Variants in MBTD1 observed in about 807,000 individuals in gnomAD.
The protein encoded by MBTD1 is mbt domain containing 1.
MBTD1 carries 24 observed loss-of-function variants against 87.8 expected under a neutral mutation model. The observed-to-expected ratio is 0.27, with a 90% CI of 0.20 to 0.38. The LOEUF (loss-of-function observed/expected upper bound fraction) is 0.38. Ranked by LOEUF, MBTD1 falls within the 10% of genes least tolerant of loss-of-function variation. The pLI is 1.00. For synonymous variants in MBTD1, 237 were observed against 248.6 expected, an observed-to-expected ratio of 0.95 and a Z score of 0.44; for missense variants, 436 against 760.2, an observed-to-expected ratio of 0.57 and a Z score of 5.02.
Position 51,246,894 on chromosome 17 carries a change from C to T in MBTD1, c.-49+12249G>A, listed in dbSNP as rs368088279. Among the ~76,000 whole-genome samples the T allele has an allele frequency of 6.9e-4, 105 of 152,260 alleles. 3 individuals are homozygous for T. In the South Asian group the frequency reaches 0.021, roughly 30 times the overall value. ...ACCTCAGGTGATCCGCCCGCCTCAG[C>T]CTCCCAAAGTGCTGGGATTACAGGT... On this transcript the variant is annotated intron_variant, in intron 2 of 16. Transcript: ENST00000586178.
chr17:51,243,444 T>G (rs929741902), intron 2 of MBTD1, among the ~76,000 whole-genome samples: 1 of 152,210 alleles, frequency 6.6e-6, no homozygotes, highest in Non-Finnish European at 1.5e-5. Flanking sequence ...ATAGATTTTC[T>G]GAATAATTTG....
chr17:51,259,113 AG>A, intron 2 of MBTD1, 29 bp downstream of exon 2: 1 of 441,350 alleles, frequency 2.3e-6, no homozygotes, highest in Non-Finnish European at 3.8e-6. Context: ...CAGTGCTTTT[AG>A]GGGTGTAAGC....
chr17:51,238,961 G>GC (rs2054006931), intron 2 of MBTD1, among the ~76,000 whole-genome samples: 1 of 152,088 alleles, frequency 6.6e-6, no homozygotes, highest in African/African-American at 2.4e-5. Context: ...TTAACTGGGT[G>GC]TGGTAATGTG....
intron 7 of MBTD1, among the ~76,000 whole-genome samples, chr17:51,206,683 C>T (rs779760222): frequency 6.6e-6 from 1 of 152,068 alleles, no homozygotes; most frequent in African/African-American, 2.4e-5. Context: ...ATGATAGAGA[C>T]GGATAGCTGT....
At chr17:51,211,218 C>T (rs973934250) in intron 6 of MBTD1, among the ~76,000 whole-genome samples, 2 of 150,498 alleles carry the variant, frequency 1.3e-5, no homozygotes, top group African/African-American at 4.9e-5. Context: ...CAGGGCCAGG[C>T]ATGATGGCTC....
At chr17:51,186,181 A>G (rs549498039) in intron 16 of MBTD1, 3 of 152,776 alleles carry the variant, frequency 2.0e-5, no homozygotes, top group Non-Finnish European at 2.9e-5. Flanking sequence ...AGGCTCGACA[A>G]ACTGACAGGC....
intron 2 of MBTD1, among the ~76,000 whole-genome samples, chr17:51,233,739 C>T (rs1281355120): frequency 6.6e-6 from 1 of 151,986 alleles, no homozygotes; most frequent in Non-Finnish European, 1.5e-5. Context: ...ATAAGCCCAG[C>T]TTAATGATTT....
At chr17:51,222,824 TG>T (rs1379166055) in intron 3 of MBTD1, among the ~76,000 whole-genome samples, 1 of 150,670 alleles carries the variant, frequency 6.6e-6, no homozygotes, top group Admixed American at 6.6e-5. Context: ...TTTAGTTTTT[TG>T]AAGTCTCGCT....
chr17:51,259,335 G>T (rs899992367), intron 1 of MBTD1, 129 bp from the exon 2 acceptor site: 68 of 1,006,340 alleles, frequency 6.8e-5, no homozygotes, highest in Non-Finnish European at 8.3e-5. Context: ...TCTCCCGCAC[G>T]TGCCCACCCC....
rs1568135477 is a variant in MBTD1 at position 51,179,486 on chromosome 17, A to ATATATATATATATATATATTTATATT, written c.*1089_*1090insAATATAAATATATATATATATATATA. 22 of 15,020 alleles carry ATATATATATATATATATATTTATATT rather than the reference A, an allele frequency of 1.5e-3. 1 individual carries two copies. Among genetic ancestry groups the ATATATATATATATATATATTTATATT allele is most frequent in the South Asian group, 2.8e-3 (1 of 358 alleles). The allele number at this position is 15,020 out of a possible 1,614,324, so 0.9% of individuals were successfully genotyped here. On this transcript the variant is annotated 3_prime_UTR_variant, in exon 17 of 17. Transcript: ENST00000586178. ...CCTGAATACAATTAAAGACAATTTT[A>ATATATATATATATATATATTTATATT]TATATATATATATATATATATATAT...
chr17:51,192,084 A>G (rs1042469859), intron 16 of MBTD1, 119 bp downstream of exon 16: 3 of 771,632 alleles, frequency 3.9e-6, no homozygotes, highest in African/African-American at 3.5e-5. Flanking sequence ...ACCTTTAAGC[A>G]TAATACATAA....
intron 5 of MBTD1, among the ~76,000 whole-genome samples, chr17:51,218,694 A>G (rs2052719729): frequency 6.6e-6 from 1 of 152,200 alleles, no homozygotes; most frequent in Non-Finnish European, 1.5e-5. Context: ...AGTAAATAAT[A>G]AACCAAATAA....
intron 2 of MBTD1, among the ~76,000 whole-genome samples, chr17:51,228,492 A>G (rs1598387695): frequency 6.9e-6 from 1 of 144,470 alleles, no homozygotes; most frequent in African/African-American, 2.8e-5. Flanking sequence ...CAAACCACGA[A>G]AAAAAAAAAA....
Position 51,215,254 on chromosome 17 carries a change from A to G in MBTD1, c.486+2080T>C, listed in dbSNP as rs2052498994. Among the ~76,000 whole-genome samples, 6 of 152,328 alleles carry G rather than the reference A, an allele frequency of 3.9e-5. No individual in the cohort carries two copies. In the South Asian group the frequency reaches 1.2e-3, roughly 32 times the overall value. On this transcript the variant is annotated intron_variant, in intron 6 of 16. Transcript: ENST00000586178. Reference sequence around the variant, plus strand: ...GTTAGCTGCTTGATTCCCTGATAGAACATTTCAATCTCAAAAAAGGCAGAA... The same window carrying G: ...GTTAGCTGCTTGATTCCCTGATAGAGCATTTCAATCTCAAAAAAGGCAGAA...
chr17:51,259,789 T>TA lies in MBTD1; in HGVS notation c.-113+45_-113+46insT, dbSNP rs1555703964. On this transcript the variant is annotated intron_variant, in intron 1 of 16. Transcript: ENST00000586178. ...TCCTGGGGTCGGAGAGCTGCAGGCGTCCCCCCCACCTGGCACACAAAGCGG... is the reference window on the plus strand; with the variant it reads ...TCCTGGGGTCGGAGAGCTGCAGGCGTACCCCCCCACCTGGCACACAAAGCGG... The TA allele has an allele frequency of 2.3e-5, 28 of 1,230,898 alleles. 1 individual carries two copies. The highest frequency in any genetic ancestry group is 2.8e-5 in the Non-Finnish European group (28 of 987,898). 76.2% of individuals were successfully genotyped at this position (1,230,898 alleles called of 1,614,324 possible).
intron 2 of MBTD1, among the ~76,000 whole-genome samples, chr17:51,247,255 CATAA>C (rs1193134205): frequency 4.6e-5 from 7 of 152,078 alleles, no homozygotes. Context: ...TGGTGAACTA[CATAA>C]ATAGATTTCC....
intron 5 of MBTD1, among the ~76,000 whole-genome samples, chr17:51,217,791 T>C (rs1326053716): frequency 6.6e-6 from 1 of 152,184 alleles, no homozygotes; most frequent in Non-Finnish European, 1.5e-5. Context: ...GTATTTTTAG[T>C]AGAGACGGGG....
At chr17:51,190,770 T>TAA (rs2050769393) in intron 16 of MBTD1, among the ~76,000 whole-genome samples, 4 of 111,968 alleles carry the variant, frequency 3.6e-5, no homozygotes, top group South Asian at 3.1e-4. Context: ...TATATATATA[T>TAA]AACCTTATCT....
At chr17:51,219,142 T>C (rs2052742190) in intron 4 of MBTD1, 98 bp from the exon 5 acceptor site, 3 of 634,742 alleles carry the variant, frequency 4.7e-6, no homozygotes, top group African/African-American at 3.7e-5. Context: ...TAAGTAAACA[T>C]TGAGGGTTTA....
Sources: allele counts gnomAD v4.1 joint callset (sites outside exome capture counted in the v4.1 genomes callset), GRCh38; gene constraint gnomAD v4.1.1; transcripts MANE v1.5; gene names NCBI Gene and HGNC (gene_info 2026-07-23, HGNC 2026-07-21).